ATRNL1: variants seen among roughly 807,000 people sequenced by gnomAD.
The protein encoded by ATRNL1 is attractin like 1, also known as attractin-like protein 1.
Under a neutral mutation model 182.7 loss-of-function variants are expected in ATRNL1, and 95 were observed. The observed-to-expected ratio is 0.52, with a 90% CI of 0.44 to 0.62. The LOEUF (loss-of-function observed/expected upper bound fraction) is 0.62, where lower values mean the gene tolerates loss of function less well. ATRNL1 is among the 20% of genes least tolerant of loss of function. The pLI, the probability that ATRNL1 is intolerant of heterozygous loss-of-function variation, is 0.00. For synonymous variants in ATRNL1, 576 were observed against 568.3 expected (o/e 1.01, Z -0.19); for missense variants, 1,471 against 1,679.5 (o/e 0.88, Z 2.17).
chr10:115,428,012 A>G (rs1554963292), intron 21 of ATRNL1, among the ~76,000 whole-genome samples: 1 of 151,856 alleles, frequency 6.6e-6, no homozygotes, highest in Non-Finnish European at 1.5e-5. Flanking sequence ...TTTGGGGAGA[A>G]TTGGCATGTT....
chr10:115,936,648 C>T (rs1275908297), intron 28 of ATRNL1, among the ~76,000 whole-genome samples: 1 of 152,042 alleles, frequency 6.6e-6, no homozygotes, highest in African/African-American at 2.4e-5. Flanking sequence ...TGACATTTTT[C>T]CACTAGAAAT....
At chr10:115,330,758 A>C (rs1166784133) in intron 18 of ATRNL1, among the ~76,000 whole-genome samples, 1 of 112,160 alleles carries the variant, frequency 8.9e-6, no homozygotes, top group Non-Finnish European at 1.8e-5. Flanking sequence ...TCTTAGGGTT[A>C]TCTTATTTGG....
chr10:115,879,182 C>A (rs79188016), intron 28 of ATRNL1, among the ~76,000 whole-genome samples: 2 of 151,708 alleles, frequency 1.3e-5, no homozygotes, highest in Admixed American at 1.3e-4. Context: ...TGATACATGC[C>A]TGTAGTCCCA....
chr10:115,898,601 G>A (rs1555113016), intron 28 of ATRNL1, among the ~76,000 whole-genome samples: 1 of 152,168 alleles, frequency 6.6e-6, no homozygotes, highest in African/African-American at 2.4e-5. Context: ...ACGAGTGGAG[G>A]TGACACACAC....
intron 20 of ATRNL1, among the ~76,000 whole-genome samples, chr10:115,413,730 C>A (rs939490189): frequency 2.0e-5 from 3 of 152,044 alleles, no homozygotes; most frequent in African/African-American, 7.2e-5. Flanking sequence ...TCAGGCTCAT[C>A]TTATTCCTCT....
At chr10:115,872,397 C>G (rs1951605918) in intron 28 of ATRNL1, among the ~76,000 whole-genome samples, 1 of 152,152 alleles carries the variant, frequency 6.6e-6, no homozygotes, top group African/African-American at 2.4e-5. Flanking sequence ...TGTGTTTAGA[C>G]TAGCCTATTC....
intron 19 of ATRNL1, among the ~76,000 whole-genome samples, chr10:115,338,126 G>T (rs1855578968): frequency 6.6e-6 from 1 of 152,138 alleles, no homozygotes; most frequent in Non-Finnish European, 1.5e-5. Flanking sequence ...ATACCCAGGG[G>T]TTGGGGACCC....
chr10:115,473,975 G>A (rs1341669933), intron 24 of ATRNL1, among the ~76,000 whole-genome samples: 1 of 151,184 alleles, frequency 6.6e-6, no homozygotes, highest in African/African-American at 2.4e-5. Flanking sequence ...GGTTAGTCCT[G>A]TGCAAGGTTT....
At chr10:115,721,399 T>C (rs1175987799) in intron 26 of ATRNL1, among the ~76,000 whole-genome samples, 1 of 152,214 alleles carries the variant, frequency 6.6e-6, no homozygotes, top group East Asian at 1.9e-4. Context: ...TATAAGCTTA[T>C]TGTATTAGTC....
intron 27 of ATRNL1, among the ~76,000 whole-genome samples, chr10:115,802,045 C>CACACACACACACACACAA (rs1360083138): frequency 1.5e-5 from 1 of 67,026 alleles, no homozygotes; most frequent in Non-Finnish European, 3.2e-5. Context: ...CACACACACA[C>CACACACACACACACACAA]AAAACAAAAA....
chr10:115,627,971 C>A (rs554545409), intron 26 of ATRNL1, among the ~76,000 whole-genome samples: 78 of 151,784 alleles, frequency 5.1e-4, no homozygotes, highest in African/African-American at 1.9e-3. Flanking sequence ...ATAGTGAAAC[C>A]CCAGCTCTAC....
chr10:115,266,319 G>A (rs1851606679), intron 11 of ATRNL1, among the ~76,000 whole-genome samples: 2 of 151,308 alleles, frequency 1.3e-5, no homozygotes, highest in Admixed American at 1.3e-4. Context: ...AGAAGAACTC[G>A]GTATCTAATT....
intron 13 of ATRNL1, among the ~76,000 whole-genome samples, chr10:115,272,985 A>G (rs1219914709): frequency 6.6e-6 from 1 of 152,218 alleles, no homozygotes. Flanking sequence ...AGGCAAATCT[A>G]TAGCCAGAAT....
At chr10:115,823,425 C>A (rs556347351) in intron 27 of ATRNL1, among the ~76,000 whole-genome samples, 54 of 152,162 alleles carry the variant, frequency 3.5e-4, no homozygotes, top group African/African-American at 1.3e-3. Flanking sequence ...AAGTTCTGGC[C>A]AGGGCAATCA....
At chr10:115,698,101 G>A (rs1474103483) in intron 26 of ATRNL1, among the ~76,000 whole-genome samples, 2 of 152,090 alleles carry the variant, frequency 1.3e-5, no homozygotes, top group Non-Finnish European at 2.9e-5. Flanking sequence ...TACTTTCATA[G>A]TTTCTGTATA....
At chr10:115,661,615 AAG>A (rs1280243668) in intron 26 of ATRNL1, among the ~76,000 whole-genome samples, 1 of 152,066 alleles carries the variant, frequency 6.6e-6, no homozygotes, top group Non-Finnish European at 1.5e-5. Flanking sequence ...ATTATATTTG[AAG>A]AGACTCAAAT....
At chr10:115,527,440 G>T (rs782628468) in intron 25 of ATRNL1, among the ~76,000 whole-genome samples, 1 of 152,122 alleles carries the variant, frequency 6.6e-6, no homozygotes, top group African/African-American at 2.4e-5. Context: ...TATCTTAGTG[G>T]TTGGCACAAT....
At chr10:115,839,085 T>C (rs1055702565) in intron 27 of ATRNL1, among the ~76,000 whole-genome samples, 19 of 152,198 alleles carry the variant, frequency 1.2e-4, no homozygotes, top group African/African-American at 4.3e-4. Context: ...AAATCTGCAC[T>C]TTTATTCTTT....
At chr10:115,600,929 CTTTT>C (rs58476140) in intron 26 of ATRNL1, among the ~76,000 whole-genome samples, 6 of 129,858 alleles carry the variant, frequency 4.6e-5, no homozygotes, top group Non-Finnish European at 8.3e-5. Context: ...TTTTTATTTT[CTTTT>C]TTTTTTTTTT....
Sources: gnomAD v4.1 joint callset for allele counts (sites outside exome capture counted in the v4.1 genomes callset) on GRCh38, gnomAD v4.1.1 for gene constraint, MANE v1.5 for transcripts, NCBI Gene and HGNC (gene_info 2026-07-23, HGNC 2026-07-21) for gene names.